Variants in LIMA1 observed in about 807,000 individuals in gnomAD.
The protein encoded by LIMA1 is LIM domain and actin binding 1, also known as LIM domain and actin-binding protein 1.
A neutral mutation model predicts 62.6 loss-of-function variants in LIMA1; 52 were observed. The ratio of observed to expected loss-of-function variants is 0.83; its 90% CI spans 0.67 to 1.05. LIMA1 has a LOEUF of 1.05. Ranked by LOEUF, LIMA1 falls within the 50% of genes least tolerant of loss-of-function variation. The pLI is 0.00. For synonymous variants in LIMA1, 302 were observed against 317.8 expected, an observed-to-expected ratio of 0.95 and a Z score of 0.53; for missense variants, 780 against 902.2, an observed-to-expected ratio of 0.86 and a Z score of 1.74.
chr12:50,230,564 T>TTTTTTC (rs1414377631), intron 3 of LIMA1, among the ~76,000 whole-genome samples: 3 of 152,002 alleles, frequency 2.0e-5, no homozygotes, highest in Non-Finnish European at 4.4e-5. Context: ...AGTTTTTTCT[T>TTTTTTC]TTTTTCTTTT....
chr12:50,260,598 G>C (rs1942053500), intron 1 of LIMA1, among the ~76,000 whole-genome samples: 1 of 152,024 alleles, frequency 6.6e-6, no homozygotes, highest in Non-Finnish European at 1.5e-5. Context: ...CAAAGAATTG[G>C]TATATGAATT....
chr12:50,203,410 C>T (rs936994670), intron 6 of LIMA1, among the ~76,000 whole-genome samples: 2 of 151,614 alleles, frequency 1.3e-5, no homozygotes, highest in African/African-American at 4.8e-5. Flanking sequence ...ATTTTGAATA[C>T]CAATCTTTTT....
intron 9 of LIMA1, among the ~76,000 whole-genome samples, chr12:50,182,834 A>T (rs528877951): frequency 6.6e-6 from 1 of 152,336 alleles, no homozygotes; most frequent in East Asian, 1.9e-4. Flanking sequence ...AATCCTAAAG[A>T]ATATAAAACA....
At chr12:50,218,493 T>G (rs977465107) in intron 4 of LIMA1, 8 of 152,238 alleles carry the variant, frequency 5.3e-5, no homozygotes, top group African/African-American at 1.9e-4. Context: ...GGCTATGGGC[T>G]CCACAGTACT....
chr12:50,225,193 C>A (rs769849054), intron 3 of LIMA1, among the ~76,000 whole-genome samples: 1 of 152,018 alleles, frequency 6.6e-6, no homozygotes, highest in South Asian at 2.1e-4. Context: ...TGAGCCACTG[C>A]GCCTGGCCCC....
At chr12:50,214,437 T>C (rs1266193598) in intron 4 of LIMA1, among the ~76,000 whole-genome samples, 1 of 152,246 alleles carries the variant, frequency 6.6e-6, no homozygotes, top group African/African-American at 2.4e-5. Context: ...TTGAGATGAC[T>C]GTATAGACTC....
intron 4 of LIMA1, among the ~76,000 whole-genome samples, chr12:50,213,432 C>T (rs955911233): frequency 6.6e-6 from 1 of 152,220 alleles, no homozygotes; most frequent in Non-Finnish European, 1.5e-5. Context: ...ATTAATTAGC[C>T]ACATGCCATG....
intron 2 of LIMA1, among the ~76,000 whole-genome samples, chr12:50,236,905 C>T (rs937688401): frequency 3.3e-5 from 5 of 152,088 alleles, no homozygotes; most frequent in East Asian, 3.9e-4. Flanking sequence ...ATTGTACCAC[C>T]GAACTTCTGT....
At chr12:50,276,617 T>C (rs1942278436) in intron 1 of LIMA1, among the ~76,000 whole-genome samples, 1 of 152,146 alleles carries the variant, frequency 6.6e-6, no homozygotes, top group Non-Finnish European at 1.5e-5. Flanking sequence ...ACGCCTGTAA[T>C]TGTAACACTT....
intron 1 of LIMA1, among the ~76,000 whole-genome samples, chr12:50,258,108 G>A (rs1027676383): frequency 6.6e-6 from 1 of 152,050 alleles, no homozygotes; most frequent in Non-Finnish European, 1.5e-5. Flanking sequence ...GGCTCGTCTT[G>A]TATTTACCAT....
At chr12:50,278,137 C>G (rs906685087) in intron 1 of LIMA1, among the ~76,000 whole-genome samples, 4 of 151,626 alleles carry the variant, frequency 2.6e-5, no homozygotes, top group Non-Finnish European at 4.4e-5. Flanking sequence ...ATTAGCCAGA[C>G]GGGCTGGGCG....
intron 8 of LIMA1, among the ~76,000 whole-genome samples, chr12:50,193,051 G>A (rs1311004236): frequency 6.6e-6 from 1 of 151,894 alleles, no homozygotes; most frequent in African/African-American, 2.4e-5. Context: ...CACTGTTTTT[G>A]GTCAGTTCTA....
At chr12:50,235,411 G>A (rs138073500) in intron 2 of LIMA1, among the ~76,000 whole-genome samples, 1,755 of 151,194 alleles carry the variant, frequency 0.012, 44 homozygotes, top group African/African-American at 0.041. Context: ...GATTACAGGT[G>A]TGCACCGCTA....
At chr12:50,201,325 C>T in intron 6 of LIMA1, 1 of 987,400 alleles carries the variant, frequency 1.0e-6, no homozygotes, top group Non-Finnish European at 1.2e-6. Flanking sequence ...AATGCCCGGC[C>T]TGGAAAGAGA....
At chr12:50,280,474 A>C (rs1006394692) in intron 1 of LIMA1, among the ~76,000 whole-genome samples, 10 of 152,148 alleles carry the variant, frequency 6.6e-5, no homozygotes, top group African/African-American at 2.2e-4. Context: ...AGTAGTATTA[A>C]GAAATTATTT....
At chr12:50,202,905 T>C (rs555002210) in intron 6 of LIMA1, among the ~76,000 whole-genome samples, 2 of 152,294 alleles carry the variant, frequency 1.3e-5, no homozygotes, top group Admixed American at 6.5e-5. Context: ...TTTGAAATCT[T>C]AGAACAAATG....
chr12:50,180,531 G>A (rs539674788), intron 10 of LIMA1, among the ~76,000 whole-genome samples: 18 of 152,102 alleles, frequency 1.2e-4, no homozygotes, highest in Middle Eastern at 3.4e-3. Context: ...TTGAACTTCT[G>A]GCATCAAGTG....
At chr12:50,232,851 G>T (rs116868749) in intron 2 of LIMA1, among the ~76,000 whole-genome samples, 1 of 152,200 alleles carries the variant, frequency 6.6e-6, no homozygotes, top group African/African-American at 2.4e-5. Context: ...GCCAGGCATA[G>T]TGGCGCACAC....
Position 50,261,042 on chromosome 12 carries a change from A to ATATTTTTTTTTTTTTT in LIMA1, c.-23-12269_-23-12268insAAAAAAAAAAAAAATA, listed in dbSNP as rs1383547189. 2.9e-4 allele frequency among the ~76,000 whole-genome samples: 16 copies of ATATTTTTTTTTTTTTT among 54,294 alleles called. 2 individuals are homozygous for ATATTTTTTTTTTTTTT. Among genetic ancestry groups the ATATTTTTTTTTTTTTT allele is most frequent in the East Asian group, 1.1e-3 (1 of 878 alleles). The allele number at this position is 54,294 out of a possible 152,430, so 35.6% of individuals were successfully genotyped here. On this transcript the variant is annotated intron_variant, in intron 1 of 10. Transcript: ENST00000341247. ...CTTTTGCTTTTCTGCCATCTAGTAT[A>ATATTTTTTTTTTTTTT]TTTTTTTTTTTTTTTTTTTTTTTTT...
Sources: gnomAD v4.1 joint callset for allele counts (sites outside exome capture counted in the v4.1 genomes callset) on GRCh38, gnomAD v4.1.1 for gene constraint, MANE v1.5 for transcripts, NCBI Gene and HGNC (gene_info 2026-07-23, HGNC 2026-07-21) for gene names.